Variants in GRIK2 observed in about 807,000 individuals in gnomAD.
GRIK2 encodes glutamate receptor ionotropic, kainate 2.
A neutral mutation model predicts 100.3 loss-of-function variants in GRIK2; 32 were observed. That is an observed-to-expected ratio of 0.32 (90% CI 0.24 to 0.43). The LOEUF (loss-of-function observed/expected upper bound fraction) is 0.43, where lower values mean the gene tolerates loss of function less well. GRIK2 is among the 20% of genes least tolerant of loss of function. The pLI is 1.00. For missense variants in GRIK2, 843 were observed against 1,114.9 expected, an observed-to-expected ratio of 0.76 and a Z score of 3.47; for synonymous variants, 417 against 389.4, an observed-to-expected ratio of 1.07 and a Z score of -0.83.
At chr6:101,718,667 T>C (rs1774235867) in intron 7 of GRIK2, among the ~76,000 whole-genome samples, 2 of 151,862 alleles carry the variant, frequency 1.3e-5, no homozygotes, top group Admixed American at 1.3e-4. Context: ...ATGTCAAGGA[T>C]TCTACTTTTT....
chr6:101,924,569 A>T, intron 12 of GRIK2, 32 bp from the exon 13 acceptor site: 1 of 1,103,578 alleles, frequency 9.1e-7, no homozygotes, highest in Non-Finnish European at 1.4e-6. Flanking sequence ...ACTGCAATTT[A>T]AATGTATTCT....
At chr6:101,711,825 T>C (rs1395361311) in intron 7 of GRIK2, among the ~76,000 whole-genome samples, 1 of 151,794 alleles carries the variant, frequency 6.6e-6, no homozygotes, top group African/African-American at 2.4e-5. Flanking sequence ...TCAGCTACAA[T>C]TGGCCAAAAT....
At chr6:101,401,610 G>A (rs1336682299) in intron 2 of GRIK2, among the ~76,000 whole-genome samples, 1 of 152,156 alleles carries the variant, frequency 6.6e-6, no homozygotes, top group African/African-American at 2.4e-5. Context: ...CTAAGTTGTG[G>A]GGAAGAAGGA....
At chr6:101,473,671 A>G (rs77341507) in intron 2 of GRIK2, among the ~76,000 whole-genome samples, 5,935 of 151,936 alleles carry the variant, frequency 0.039, 167 homozygotes, top group South Asian at 0.095. Flanking sequence ...TAACTGAATC[A>G]GTTGGTTTTG....
intron 10 of GRIK2, among the ~76,000 whole-genome samples, chr6:101,843,580 G>A (rs530093599): frequency 6.6e-6 from 1 of 152,246 alleles, no homozygotes; most frequent in East Asian, 1.9e-4. Context: ...CACTAGCAGA[G>A]CAGAAAACCC....
chr6:101,822,207 T>TACAC (rs58680927), intron 10 of GRIK2, among the ~76,000 whole-genome samples: 12,710 of 143,114 alleles, frequency 0.089, 1,202 homozygotes, highest in East Asian at 0.51. Context: ...TGGAGAGTTT[T>TACAC]ACACACACAC....
rs1784911711 is a variant in GRIK2, at chr6:101,864,159, AAAG to A, written c.1524+4671_1524+4673del. Among the ~76,000 whole-genome samples, 7 of 152,028 alleles carry A rather than the reference AAAG, an allele frequency of 4.6e-5. No homozygotes were observed. The South Asian group carries it at 1.0e-3, about 23-fold the overall frequency. On this transcript the variant is annotated intron_variant, in intron 11 of 16. Transcript: ENST00000369134. ...ACTCCGTCTCAAAAAAAAAAAAAAA[AAAG>A]AAGATGTGGATTAAATGTTAATATC...
chr6:101,604,460 A>G (rs1159926251), intron 2 of GRIK2, among the ~76,000 whole-genome samples: 10 of 151,898 alleles, frequency 6.6e-5, no homozygotes, highest in Non-Finnish European at 1.5e-4. Flanking sequence ...AGAAATAAAG[A>G]ACAAGGCAAG....
chr6:101,855,064 T>G (rs1361763491), intron 10 of GRIK2, among the ~76,000 whole-genome samples: 4 of 152,146 alleles, frequency 2.6e-5, no homozygotes, highest in Non-Finnish European at 5.9e-5. Context: ...GTAAAGGGCT[T>G]TGAGATGGAA....
At chr6:101,631,725 T>G (rs2128320549) in intron 4 of GRIK2, among the ~76,000 whole-genome samples, 1 of 152,190 alleles carries the variant, frequency 6.6e-6, no homozygotes, top group African/African-American at 2.4e-5. Context: ...CTCAAATCTT[T>G]TATTTTTTTC....
At chr6:101,818,313 G>A (rs1157314776) in intron 9 of GRIK2, 57 bp from the exon 10 acceptor site, 3 of 918,308 alleles carry the variant, frequency 3.3e-6, no homozygotes, top group African/African-American at 1.7e-5. Context: ...TTCTTTTGCA[G>A]TACTCTCTAC....
chr6:101,559,880 G>A (rs1370598995), intron 2 of GRIK2, among the ~76,000 whole-genome samples: 1 of 152,076 alleles, frequency 6.6e-6, no homozygotes, highest in Non-Finnish European at 1.5e-5. Context: ...ACAAATACAA[G>A]TTGTGGGGTG....
chr6:101,397,097 A>T (rs1040898698), intron 1 of GRIK2, among the ~76,000 whole-genome samples: 2 of 152,210 alleles, frequency 1.3e-5, no homozygotes, highest in African/African-American at 4.8e-5. Flanking sequence ...GAATACATGA[A>T]CAAAGAGATG....
At chr6:101,670,962 T>G (rs147496376) in intron 4 of GRIK2, among the ~76,000 whole-genome samples, 5 of 152,318 alleles carry the variant, frequency 3.3e-5, no homozygotes, top group South Asian at 4.1e-4. Flanking sequence ...AATTTTGAAC[T>G]GAGATTCAAA....
chr6:101,994,472 C>A (rs929605374), intron 14 of GRIK2, among the ~76,000 whole-genome samples: 13 of 151,698 alleles, frequency 8.6e-5, no homozygotes, highest in African/African-American at 2.7e-4. Context: ...TAGAAATGAA[C>A]TAGCATTTTA....
intron 10 of GRIK2, among the ~76,000 whole-genome samples, chr6:101,848,775 C>T (rs1285070275): frequency 6.6e-6 from 1 of 151,936 alleles, no homozygotes; most frequent in Non-Finnish European, 1.5e-5. Context: ...TATAAGCTGT[C>T]CCCCATCCCT....
chr6:101,654,612 T>C (rs1781969501), intron 4 of GRIK2, among the ~76,000 whole-genome samples: 1 of 152,174 alleles, frequency 6.6e-6, no homozygotes, highest in South Asian at 2.1e-4. Context: ...TGACTGGATT[T>C]AGGATCCCAT....
At chr6:101,578,104 C>G (rs1165273380) in intron 2 of GRIK2, among the ~76,000 whole-genome samples, 1 of 152,140 alleles carries the variant, frequency 6.6e-6, no homozygotes. Context: ...CATCTGTACC[C>G]TAGAAGCCAT....
At chr6:101,880,157 T>A (rs1786147759) in intron 11 of GRIK2, among the ~76,000 whole-genome samples, 1 of 152,100 alleles carries the variant, frequency 6.6e-6, no homozygotes, top group Admixed American at 6.6e-5. Context: ...CTAGCTATGA[T>A]CCTTGAGTTG....
Sources: gnomAD v4.1 joint callset for allele counts (sites outside exome capture counted in the v4.1 genomes callset) on GRCh38, gnomAD v4.1.1 for gene constraint, MANE v1.5 for transcripts, NCBI Gene and HGNC (gene_info 2026-07-23, HGNC 2026-07-21) for gene names.